The following CORO7 variants were observed in gnomAD, a reference collection of about 807,000 sequenced individuals.
The protein encoded by CORO7 is coronin 7.
Under a neutral mutation model 126.6 loss-of-function variants are expected in CORO7, and 107 were observed. The observed-to-expected ratio is 0.85, with a 90% CI of 0.72 to 0.99. The LOEUF (loss-of-function observed/expected upper bound fraction) is 0.99, where lower values mean the gene tolerates loss of function less well. Among genes scored for constraint, CORO7 ranks in the 50% least tolerant of loss-of-function variants. The pLI is 0.00. For synonymous variants in CORO7, 603 were observed against 536.8 expected, an observed-to-expected ratio of 1.12 and a Z score of -1.70; for missense variants, 1,314 against 1,255.8, an observed-to-expected ratio of 1.05 and a Z score of -0.70.
Position 4,363,967 on chromosome 16 carries a change from C to T in CORO7, c.1275+309G>A, listed in dbSNP as rs377185615. Among the ~76,000 whole-genome samples, 10 of 151,948 alleles carry T rather than the reference C, an allele frequency of 6.6e-5. No homozygotes were observed. The South Asian group carries it at 1.0e-3, about 16-fold the overall frequency. ...CCAAGAGGCGGAGATTGCAGTGAGC[C>T]GAGATCACACCATTGTACTCTAGCC... On this transcript the variant is annotated intron_variant, in intron 14 of 27. Coordinates refer to ENST00000251166, the MANE Select transcript of CORO7 (RefSeq NM_024535.5).
intron 1 of CORO7, chr16:4,413,625 C>T: frequency 2.3e-6 from 1 of 431,700 alleles, no homozygotes; most frequent in Non-Finnish European, 4.1e-6. Flanking sequence ...GCAATCTCTG[C>T]CTCTTGGGTT....
intron 6 of CORO7, among the ~76,000 whole-genome samples, chr16:4,401,476 G>T (rs566963981): frequency 2.1e-4 from 32 of 152,248 alleles, no homozygotes; most frequent in African/African-American, 7.7e-4. Context: ...CGTGCCAGGC[G>T]GGCACCAGGT....
At position 4,361,428 on chromosome 16, in the gene CORO7, C is replaced by G; in HGVS notation, c.1620G>C (p.Thr540=). ...PGRLPDTALP[T]LQNGAAVTDL... ...CAGTCACAGCTGCCCCATTCTGCAG[C>G]GTGGGCAGTGCCGTGTCGGGCAGGC... is the stretch of plus-strand genomic sequence containing the variant. Residue 540 remains threonine, a synonymous_variant, in exon 17 of 28, where the codon ACG becomes ACC. Coordinates refer to ENST00000251166, the MANE Select transcript of CORO7 (RefSeq NM_024535.5). The G allele has an allele frequency of 6.2e-7, 1 of 1,612,042 alleles. No individual in the cohort carries two copies. The highest frequency in any genetic ancestry group is 8.5e-7 in the Non-Finnish European group (1 of 1,179,756).
At chr16:4,416,267 G>C (rs1431121874) in intron 1 of CORO7, among the ~76,000 whole-genome samples, 192 bp downstream of exon 1, 2 of 152,170 alleles carry the variant, frequency 1.3e-5, no homozygotes, top group African/African-American at 2.4e-5. Context: ...TCACGGGAGT[G>C]CCGGACTCTG....
At chr16:4,415,528 T>C (rs1333886815) in intron 1 of CORO7, among the ~76,000 whole-genome samples, 1 of 152,040 alleles carries the variant, frequency 6.6e-6, no homozygotes, top group East Asian at 1.9e-4. Flanking sequence ...GGAAGGAAAA[T>C]GCCGTTGTGT....
intron 9 of CORO7, among the ~76,000 whole-genome samples, chr16:4,374,566 G>A (rs1001189725): frequency 9.2e-5 from 14 of 152,268 alleles, no homozygotes; most frequent in East Asian, 1.9e-4. Flanking sequence ...GGGCTGGGGC[G>A]GCCGCTGGGG....
rs187106832 is a variant in CORO7, at chr16:4,410,886, T to C, written c.232+1470A>G. ...GTGGCAGCGTTCCAATAAAACTATT[T>C]ACAAAAACAGGCAGCCAGCTGGATC... On this transcript the variant is annotated intron_variant, in intron 3 of 27. Transcript: ENST00000251166. 3.4e-3 allele frequency among the ~76,000 whole-genome samples: 522 copies of C among 152,302 alleles called. 4 individuals are homozygous for C. The highest frequency in any genetic ancestry group is 0.017 in the Middle Eastern group (5 of 294).
chr16:4,365,302 T>C (rs1249007205), intron 10 of CORO7, among the ~76,000 whole-genome samples, 189 bp downstream of exon 10: 1 of 152,196 alleles, frequency 6.6e-6, no homozygotes, highest in African/African-American at 2.4e-5. Context: ...GAGTGCTGAC[T>C]GTGTGCTGAC....
chr16:4,388,884 C>T (rs758992498), intron 7 of CORO7, among the ~76,000 whole-genome samples: 23 of 152,182 alleles, frequency 1.5e-4, no homozygotes, highest in Non-Finnish European at 2.5e-4. Flanking sequence ...CTGCTCCTCC[C>T]GAGTGTCCCT....
At chr16:4,374,457 G>C (rs2054647352) in intron 9 of CORO7, among the ~76,000 whole-genome samples, 1 of 152,156 alleles carries the variant, frequency 6.6e-6, no homozygotes, top group Non-Finnish European at 1.5e-5. Context: ...GCCCCCACCA[G>C]ACTCTTCGTG....
At chr16:4,385,544 T>C (rs2055167562) in intron 9 of CORO7, among the ~76,000 whole-genome samples, 1 of 152,080 alleles carries the variant, frequency 6.6e-6, no homozygotes, top group Admixed American at 6.5e-5. Flanking sequence ...GAGCTGTTCC[T>C]TCAGTGCAGG....
At position 4,362,967 on chromosome 16, in the gene CORO7, C is replaced by G; in HGVS notation, c.1276-229G>C. On this transcript the variant is annotated intron_variant, in intron 14 of 27. Transcript: ENST00000251166. This position sits in a 1 kb window ranked among gnomAD's most constrained non-coding sequence, Gnocchi z 5.3. ...GCAAGTGGCAGCTGCTGGCTCCCAG[C>G]CCTGCAGGAGGGTGTGCCCAGTGGG... is the stretch of plus-strand genomic sequence containing the variant. The G allele has an allele frequency of 2.4e-6, 1 of 417,888 alleles. No individual in the cohort carries two copies. Among genetic ancestry groups the G allele is most frequent in the Non-Finnish European group, 4.1e-6 (1 of 244,590 alleles). 25.9% of individuals were successfully genotyped at this position (417,888 alleles called of 1,614,324 possible).
chr16:4,391,602 G>C (rs1349274338), intron 7 of CORO7, among the ~76,000 whole-genome samples: 1 of 152,176 alleles, frequency 6.6e-6, no homozygotes, highest in African/African-American at 2.4e-5. Flanking sequence ...GTGGTGGTGC[G>C]TGCCTGTAGT....
intron 6 of CORO7, among the ~76,000 whole-genome samples, chr16:4,398,330 C>T (rs759242352): frequency 2.0e-5 from 3 of 152,110 alleles, no homozygotes; most frequent in Non-Finnish European, 4.4e-5. Flanking sequence ...AGTAAGATAT[C>T]CCCTGACACC....
rs1490787189 is a variant in CORO7, at chr16:4,395,487, T to G, written c.565-148A>C. 5.0e-6 allele frequency: 5 copies of G among 993,588 alleles called. No individual in the cohort carries two copies. The African/African-American group carries it at 6.3e-5, about 13-fold the overall frequency. The allele number at this position is 993,588 out of a possible 1,614,324, so 61.5% of individuals were successfully genotyped here. Reference sequence around the variant, plus strand: ...CCATCACACACCAGGGCATCCCTCCTCAGCCCTGTTCCTCCTCCTCAGCAC... The same window carrying G: ...CCATCACACACCAGGGCATCCCTCCGCAGCCCTGTTCCTCCTCCTCAGCAC... On this transcript the variant is annotated intron_variant, in intron 6 of 27. Transcript: ENST00000251166.
intron 6 of CORO7, among the ~76,000 whole-genome samples, chr16:4,396,212 T>C (rs1259367356): frequency 6.6e-6 from 1 of 152,168 alleles, no homozygotes; most frequent in African/African-American, 2.4e-5. Flanking sequence ...CCCGAGTAGC[T>C]GGGATTACAG....
At chr16:4,401,995 A>C (rs771467012) in intron 6 of CORO7, among the ~76,000 whole-genome samples, 1 of 143,272 alleles carries the variant, frequency 7.0e-6, no homozygotes, top group African/African-American at 2.6e-5. Flanking sequence ...CTGGAGTGCA[A>C]TGGTGTGATC....
intron 6 of CORO7, among the ~76,000 whole-genome samples, chr16:4,400,824 T>A (rs186013937): frequency 6.7e-6 from 1 of 149,400 alleles, no homozygotes; most frequent in East Asian, 2.0e-4. Flanking sequence ...ATAATAATAA[T>A]AATAATAATG....
At position 4,360,487 on chromosome 16, in the gene CORO7, C is replaced by A. The variant is rs556093901; in HGVS notation, c.1979G>T (p.Arg660Leu). 7 of 1,612,274 alleles carry A rather than the reference C, an allele frequency of 4.3e-6. No individual in the cohort carries two copies. In the East Asian group the frequency reaches 1.6e-4, roughly 36 times the overall value. ...QQLATVCKDG[R>L]VRVYRPRSGP... ...ACTCCGGGGCCTGTAGACCCGCACACGCCCATCCTTGCAGACAGTGGCCAG... is the reference window on the plus strand; with the variant it reads ...ACTCCGGGGCCTGTAGACCCGCACAAGCCCATCCTTGCAGACAGTGGCCAG... The change falls in exon 20 of 28, where the codon CGT becomes CTT. Residue 660 changes from arginine to leucine, a missense_variant. Coordinates refer to ENST00000251166, the MANE Select transcript of CORO7 (RefSeq NM_024535.5).
Sources: allele counts gnomAD v4.1 joint callset (sites outside exome capture counted in the v4.1 genomes callset), GRCh38; gene constraint gnomAD v4.1.1; non-coding constraint Gnocchi (gnomAD v3.1); transcripts MANE v1.5; gene names NCBI Gene and HGNC (gene_info 2026-07-23, HGNC 2026-07-21).